TLK1: variants seen among roughly 807,000 people sequenced by gnomAD.
The protein encoded by TLK1 is serine/threonine-protein kinase tousled-like 1.
A neutral mutation model predicts 105.3 loss-of-function variants in TLK1; 24 were observed. That is an observed-to-expected ratio of 0.23 (90% CI 0.17 to 0.32). The LOEUF is 0.32. Among genes scored for constraint, TLK1 ranks in the 10% least tolerant of loss-of-function variants. The probability of loss-of-function intolerance (pLI) is 1.00; values close to 1 mark genes in which losing one functional copy is unlikely to be tolerated. For missense variants in TLK1, 558 were observed against 910.5 expected (o/e 0.61, Z 4.98); for synonymous variants, 321 against 310.4 (o/e 1.03, Z -0.36).
chr2:171,189,346 T>A (rs923955499), intron 1 of TLK1, among the ~76,000 whole-genome samples: 5 of 152,134 alleles, frequency 3.3e-5, no homozygotes, highest in Admixed American at 6.5e-5. Flanking sequence ...TTTTACACTT[T>A]TAGTAGAGAC....
chr2:171,185,399 C>T (rs1009448677), intron 1 of TLK1, among the ~76,000 whole-genome samples: 2 of 152,102 alleles, frequency 1.3e-5, no homozygotes, highest in East Asian at 1.9e-4. Context: ...AATACAGAGT[C>T]CAAATTCCTT....
intron 1 of TLK1, among the ~76,000 whole-genome samples, chr2:171,217,743 GT>G (rs1313643091): frequency 3.3e-4 from 51 of 152,316 alleles, no homozygotes; most frequent in African/African-American, 1.2e-3. Context: ...CAATAAACAA[GT>G]TGAGTGAAAA....
At chr2:171,010,367 A>T (rs1268075857) in intron 14 of TLK1, among the ~76,000 whole-genome samples, 4 of 152,162 alleles carry the variant, frequency 2.6e-5, no homozygotes, top group African/African-American at 9.7e-5. Context: ...AGAGGAGAGG[A>T]AGATAACTTC....
At chr2:171,009,463 C>T (rs564959292) in intron 14 of TLK1, among the ~76,000 whole-genome samples, 4 of 152,030 alleles carry the variant, frequency 2.6e-5, no homozygotes, top group Non-Finnish European at 2.9e-5. Flanking sequence ...GCCATCATGC[C>T]TAGCTAATTT....
In TLK1 at chr2:171,062,180, C is replaced by G. The variant is rs1687784834; in HGVS notation, c.331-1024G>C. ...AAGAGCAAAAGCACAGGCAATGGCACCAGGCCCTCAAATTCTAGAAACGTG... is the reference window on the plus strand; with the variant it reads ...AAGAGCAAAAGCACAGGCAATGGCAGCAGGCCCTCAAATTCTAGAAACGTG... On this transcript the variant is annotated intron_variant, in intron 3 of 20. Coordinates refer to ENST00000431350, the MANE Select transcript of TLK1 (RefSeq NM_012290.5). Among the ~76,000 whole-genome samples, 3 of 152,182 alleles carry G rather than the reference C, an allele frequency of 2.0e-5. No homozygotes were observed. The South Asian group carries it at 6.2e-4, about 32-fold the overall frequency.
intron 3 of TLK1, among the ~76,000 whole-genome samples, chr2:171,061,634 C>T (rs1393541472): frequency 6.6e-6 from 1 of 152,168 alleles, no homozygotes; most frequent in African/African-American, 2.4e-5. Context: ...AAGGACCATC[C>T]ACGTAAATGC....
At chr2:171,054,762 TGA>T (rs1178363556) in intron 7 of TLK1, 1 of 177,272 alleles carries the variant, frequency 5.6e-6, no homozygotes, top group Non-Finnish European at 1.2e-5. Flanking sequence ...TACAGTCAAA[TGA>T]GAGGCTTTAA....
intron 1 of TLK1, among the ~76,000 whole-genome samples, chr2:171,176,239 C>G (rs1019591948): frequency 6.6e-6 from 1 of 152,060 alleles, no homozygotes; most frequent in African/African-American, 2.4e-5. Flanking sequence ...TGTGCCCGGC[C>G]GGGATATCAA....
chr2:171,137,531 T>A (rs912961197), intron 1 of TLK1, among the ~76,000 whole-genome samples: 1 of 152,200 alleles, frequency 6.6e-6, no homozygotes, highest in African/African-American at 2.4e-5. Flanking sequence ...ATATCTTTAG[T>A]ATCCGGAATA....
At chr2:171,174,025 G>A (rs1036413839) in intron 1 of TLK1, among the ~76,000 whole-genome samples, 13 of 152,052 alleles carry the variant, frequency 8.5e-5, no homozygotes, top group African/African-American at 2.4e-4. Flanking sequence ...CCATCCATCC[G>A]TCCTTCTTCC....
At chr2:171,108,643 G>A (rs112672601) in intron 2 of TLK1, among the ~76,000 whole-genome samples, 2,802 of 151,122 alleles carry the variant, frequency 0.019, 79 homozygotes, top group African/African-American at 0.063. Flanking sequence ...TCACTCTGTC[G>A]TCCAGGCTGG....
intron 3 of TLK1, among the ~76,000 whole-genome samples, chr2:171,063,510 G>A (rs535702308): frequency 2.0e-5 from 3 of 152,090 alleles, no homozygotes; most frequent in Non-Finnish European, 2.9e-5. Context: ...GATCCTATTC[G>A]AATTCCATCT....
intron 2 of TLK1, among the ~76,000 whole-genome samples, chr2:171,094,976 ATT>A (rs1057151725): frequency 5.3e-5 from 8 of 152,196 alleles, no homozygotes; most frequent in African/African-American, 1.9e-4. Context: ...TGCCATAAAG[ATT>A]TGTTATAAAT....
chr2:171,047,850 T>C (rs1003382043), intron 10 of TLK1, among the ~76,000 whole-genome samples: 1 of 152,240 alleles, frequency 6.6e-6, no homozygotes, highest in Non-Finnish European at 1.5e-5. Flanking sequence ...CTAACCACTC[T>C]GGATTATATC....
chr2:171,021,319 C>T (rs920013380), intron 12 of TLK1, among the ~76,000 whole-genome samples: 1 of 152,148 alleles, frequency 6.6e-6, no homozygotes, highest in African/African-American at 2.4e-5. Context: ...GTGAAATTAA[C>T]GTTCAACACT....
Position 171,160,632 on chromosome 2 carries a change from G to A in TLK1, c.-204C>T, listed in dbSNP as rs1370356898. On this transcript the variant is annotated 5_prime_UTR_variant, in exon 1 of 21. Coordinates refer to ENST00000431350, the MANE Select transcript of TLK1 (RefSeq NM_012290.5). The surrounding 1 kb of genome is among the most constrained non-coding windows in gnomAD (Gnocchi z 4.4). ...AGGTGAGGGAAGGAGAGGGGACAGG[G>A]AGGAGGGAAAGGGGGAGAAGCGAGG... 4 of 754,670 alleles carry A rather than the reference G, an allele frequency of 5.3e-6. No individual in the cohort carries two copies. The highest frequency in any genetic ancestry group is 8.0e-6 in the Non-Finnish European group (4 of 499,768). The allele number at this position is 754,670 out of a possible 1,614,324, so 46.7% of individuals were successfully genotyped here.
intron 5 of TLK1, among the ~76,000 whole-genome samples, chr2:171,057,922 T>C (rs1314802124): frequency 6.6e-6 from 1 of 152,106 alleles, no homozygotes; most frequent in African/African-American, 2.4e-5. Context: ...TTTGCCTATC[T>C]TACAGGTTAT....
intron 1 of TLK1, among the ~76,000 whole-genome samples, chr2:171,142,366 T>C (rs1691613051): frequency 1.3e-5 from 2 of 152,208 alleles, no homozygotes; most frequent in Admixed American, 1.3e-4. Context: ...ATGGTCAAAC[T>C]AGTTTATTTA....
chr2:171,085,546 G>GCAAA (rs1688936283), intron 2 of TLK1, among the ~76,000 whole-genome samples: 1 of 152,012 alleles, frequency 6.6e-6, no homozygotes, highest in Admixed American at 6.6e-5. Context: ...AACATCAAAG[G>GCAAA]CAAACACTTT....
Sources: gnomAD v4.1 joint callset for allele counts (sites outside exome capture counted in the v4.1 genomes callset) on GRCh38, gnomAD v4.1.1 for gene constraint, Gnocchi (gnomAD v3.1) non-coding constraint, MANE v1.5 for transcripts, NCBI Gene and HGNC (gene_info 2026-07-23, HGNC 2026-07-21) for gene names.